The following FHIT variants were observed in gnomAD, a reference collection of about 807,000 sequenced individuals.
FHIT encodes fragile histidine triad diadenosine triphosphatase, also known as bis(5'-adenosyl)-triphosphatase.
In FHIT, 19 loss-of-function variants were observed where a neutral mutation model predicts 17.9. The ratio of observed to expected loss-of-function variants is 1.06; its 90% CI spans 0.74 to 1.56. FHIT has a LOEUF of 1.56. FHIT is among the 40% of genes most tolerant of loss of function. The pLI is 0.00. For synonymous variants in FHIT, 81 were observed against 69.7 expected (o/e 1.16, Z -0.81); for missense variants, 248 against 189.2 (o/e 1.31, Z -1.82).
At chr3:60,617,438 C>A in intron 4 of FHIT, 1 of 161,684 alleles carries the variant, frequency 6.2e-6, no homozygotes. Flanking sequence ...TAAAGTTTTG[C>A]AGGAAGTATA....
At chr3:60,788,525 T>C (rs1159134499) in intron 4 of FHIT, among the ~76,000 whole-genome samples, 1 of 152,354 alleles carries the variant, frequency 6.6e-6, no homozygotes, top group Non-Finnish European at 1.5e-5. Flanking sequence ...TAGTAGTTTT[T>C]AACCATTTTG....
At chr3:60,336,679 G>A (rs1710255898) in intron 5 of FHIT, among the ~76,000 whole-genome samples, 1 of 152,146 alleles carries the variant, frequency 6.6e-6, no homozygotes, top group African/African-American at 2.4e-5. Flanking sequence ...ATGACCACAT[G>A]TGGCTACTGG....
chr3:60,351,200 A>T (rs1699377654), intron 5 of FHIT, among the ~76,000 whole-genome samples: 1 of 152,220 alleles, frequency 6.6e-6, no homozygotes, highest in East Asian at 1.9e-4. Context: ...GCGACAGCAA[A>T]CTAATACAAG....
chr3:60,812,259 G>A (rs1701593121), intron 4 of FHIT, among the ~76,000 whole-genome samples: 1 of 150,604 alleles, frequency 6.6e-6, no homozygotes, highest in Admixed American at 6.6e-5. Context: ...GCTTCCTGGA[G>A]TCCAGTGATT....
chr3:61,144,474 G>C (rs930379622), intron 2 of FHIT, among the ~76,000 whole-genome samples: 5 of 151,984 alleles, frequency 3.3e-5, no homozygotes, highest in Non-Finnish European at 4.4e-5. Flanking sequence ...TCCACTTTTT[G>C]GCAATTATGA....
intron 8 of FHIT, among the ~76,000 whole-genome samples, chr3:59,874,885 C>T (rs1398065916): frequency 6.6e-6 from 1 of 152,218 alleles, no homozygotes; most frequent in Non-Finnish European, 1.5e-5. Flanking sequence ...TCAGCACCTT[C>T]AATCACTCTC....
At chr3:60,116,642 A>G (rs964372138) in intron 5 of FHIT, among the ~76,000 whole-genome samples, 1 of 152,168 alleles carries the variant, frequency 6.6e-6, no homozygotes, top group African/African-American at 2.4e-5. Context: ...CTAATTAAAT[A>G]TGTAGTCTAC....
intron 4 of FHIT, among the ~76,000 whole-genome samples, chr3:60,778,096 C>A (rs1700266553): frequency 6.6e-6 from 1 of 152,162 alleles, no homozygotes; most frequent in African/African-American, 2.4e-5. Flanking sequence ...GCTCAATCTT[C>A]TTTAGGTTAT....
At chr3:61,163,107 A>G (rs1343172990) in intron 2 of FHIT, among the ~76,000 whole-genome samples, 3 of 152,160 alleles carry the variant, frequency 2.0e-5, no homozygotes, top group Non-Finnish European at 4.4e-5. Context: ...CACTCTCTGC[A>G]CATGCCATTT....
At chr3:59,801,683 C>A (rs1699998937) in intron 8 of FHIT, among the ~76,000 whole-genome samples, 1 of 151,960 alleles carries the variant, frequency 6.6e-6, no homozygotes, top group African/African-American at 2.4e-5. Flanking sequence ...ACGCATAATC[C>A]CACCAGCTCC....
intron 5 of FHIT, among the ~76,000 whole-genome samples, chr3:60,335,173 A>C (rs1341924014): frequency 6.6e-6 from 1 of 152,248 alleles, no homozygotes; most frequent in African/African-American, 2.4e-5. Context: ...AGTAGTTCAC[A>C]GGAAAATAGT....
chr3:60,714,332 G>A (rs1288288192), intron 4 of FHIT, among the ~76,000 whole-genome samples: 1 of 151,946 alleles, frequency 6.6e-6, no homozygotes, highest in Non-Finnish European at 1.5e-5. Context: ...ATATCATACT[G>A]AATGGGCAAA....
intron 5 of FHIT, among the ~76,000 whole-genome samples, chr3:60,152,781 G>T (rs1029417567): frequency 1.3e-5 from 2 of 152,096 alleles, no homozygotes; most frequent in Non-Finnish European, 2.9e-5. Flanking sequence ...CTATTCATTT[G>T]CACCCCTGCC....
intron 8 of FHIT, among the ~76,000 whole-genome samples, chr3:59,772,352 G>A (rs1039363622): frequency 6.6e-6 from 1 of 152,226 alleles, no homozygotes; most frequent in African/African-American, 2.4e-5. Flanking sequence ...TTTTCTGAAG[G>A]ATTGCTGGGA....
chr3:60,189,454 T>C (rs1052957215), intron 5 of FHIT, among the ~76,000 whole-genome samples: 5 of 149,624 alleles, frequency 3.3e-5, no homozygotes, highest in African/African-American at 4.9e-5. Flanking sequence ...TTTAGTTTCA[T>C]ACTTTAGATA....
intron 7 of FHIT, among the ~76,000 whole-genome samples, chr3:59,938,186 G>C (rs191056356): frequency 7.4e-4 from 113 of 152,182 alleles, no homozygotes; most frequent in Non-Finnish European, 1.5e-3. Context: ...TTAAAAAATG[G>C]TATATAATAA....
chr3:61,232,867 T>C (rs1038611447), intron 1 of FHIT, among the ~76,000 whole-genome samples: 1 of 152,166 alleles, frequency 6.6e-6, no homozygotes, highest in African/African-American at 2.4e-5. Flanking sequence ...TGGAACATTA[T>C]ATAACAGTCA....
chr3:60,609,413 CCT>C (rs2038713863), intron 4 of FHIT, among the ~76,000 whole-genome samples: 1 of 152,038 alleles, frequency 6.6e-6, no homozygotes, highest in Non-Finnish European at 1.5e-5. Flanking sequence ...GCAATCTCCG[CCT>C]CTCGGGTTCA....
chr3:61,156,179 C>T (rs2037528801), intron 2 of FHIT, among the ~76,000 whole-genome samples: 1 of 152,286 alleles, frequency 6.6e-6, no homozygotes, highest in East Asian at 1.9e-4. Flanking sequence ...CGCTTTTTCC[C>T]TTTGCTGATT....
Sources: gnomAD v4.1 joint callset for allele counts (sites outside exome capture counted in the v4.1 genomes callset) on GRCh38, gnomAD v4.1.1 for gene constraint, MANE v1.5 for transcripts, NCBI Gene and HGNC (gene_info 2026-07-23, HGNC 2026-07-21) for gene names.